MGAT4A: variants seen among roughly 807,000 people sequenced by gnomAD.
MGAT4A encodes the protein alpha-1,3-mannosyl-glycoprotein 4-beta-N-acetylglucosaminyltransferase A.
A neutral mutation model predicts 74.1 loss-of-function variants in MGAT4A; 33 were observed. That is an observed-to-expected ratio of 0.45 (90% CI 0.34 to 0.60). The LOEUF is 0.60. Ranked by LOEUF, MGAT4A falls within the 20% of genes least tolerant of loss-of-function variation. MGAT4A has a pLI of 0.02. For synonymous variants in MGAT4A, 198 were observed against 210.4 expected (o/e 0.94, Z 0.51); for missense variants, 479 against 628.3 (o/e 0.76, Z 2.54).
At chr2:98,711,374 C>A (rs1022234720) in intron 2 of MGAT4A, among the ~76,000 whole-genome samples, 68 of 151,630 alleles carry the variant, frequency 4.5e-4, no homozygotes, top group African/African-American at 1.6e-3. Context: ...TAATCCTGAT[C>A]ACATTTGACA....
intron 2 of MGAT4A, among the ~76,000 whole-genome samples, chr2:98,713,082 T>C (rs181320799): frequency 2.0e-5 from 3 of 150,806 alleles, no homozygotes; most frequent in Admixed American, 6.6e-5. Context: ...GGTGGGAGGA[T>C]TGCTTGAGCC....
intron 2 of MGAT4A, among the ~76,000 whole-genome samples, chr2:98,714,946 T>C (rs1702570977): frequency 6.6e-6 from 1 of 152,042 alleles, no homozygotes; most frequent in Admixed American, 6.6e-5. Flanking sequence ...AATAAGTTAC[T>C]GTAATAAAGG....
At chr2:98,707,371 G>C (rs916413440) in intron 2 of MGAT4A, among the ~76,000 whole-genome samples, 2 of 152,060 alleles carry the variant, frequency 1.3e-5, no homozygotes, top group African/African-American at 4.8e-5. Flanking sequence ...TTAAACTCTA[G>C]CCTAGTTTAT....
chr2:98,659,484 C>T (rs1186362398), intron 5 of MGAT4A, among the ~76,000 whole-genome samples: 1 of 152,072 alleles, frequency 6.6e-6, no homozygotes, highest in African/African-American at 2.4e-5. Flanking sequence ...CCAGCCAGAG[C>T]CCTATTGATA....
intron 2 of MGAT4A, among the ~76,000 whole-genome samples, chr2:98,716,233 G>A (rs1559175993): frequency 6.6e-6 from 1 of 152,136 alleles, no homozygotes; most frequent in Non-Finnish European, 1.5e-5. Flanking sequence ...TGAGGTGAGG[G>A]TGACTGATTG....
At position 98,624,343 on chromosome 2, in the gene MGAT4A, A is replaced by G. The variant is rs1250965205; in HGVS notation, c.*1223T>C. ...CATCATTTTTTAAAAGTACTTTTAT[A>G]AAGATCACTGATTGCTGAGACCGGT... is the stretch of plus-strand genomic sequence containing the variant. On this transcript the variant is annotated 3_prime_UTR_variant, in exon 16 of 16. Coordinates refer to ENST00000393487, the MANE Select transcript of MGAT4A (RefSeq NM_012214.3). 2 of 974,418 alleles carry G rather than the reference A, an allele frequency of 2.1e-6. No homozygotes were observed. Among genetic ancestry groups the G allele is most frequent in the African/African-American group, 1.8e-5 (1 of 56,946 alleles). The allele number at this position is 974,418 out of a possible 1,614,324, so 60.4% of individuals were successfully genotyped here. A position where few individuals can be genotyped will look rare whatever the true frequency, so the allele number is the denominator to read the frequency against.
At chr2:98,660,428 A>ACG (rs1701729639) in intron 5 of MGAT4A, among the ~76,000 whole-genome samples, 1 of 42,578 alleles carries the variant, frequency 2.3e-5, no homozygotes, top group Non-Finnish European at 4.1e-5. Flanking sequence ...GCACACACAC[A>ACG]CACACACACA....
chr2:98,718,958 C>A (rs1434571726), intron 2 of MGAT4A, among the ~76,000 whole-genome samples: 1 of 152,206 alleles, frequency 6.6e-6, no homozygotes, highest in Non-Finnish European at 1.5e-5. Context: ...TATCCTCAGT[C>A]CCACCTCAAG....
At position 98,640,569 on chromosome 2, in the gene MGAT4A, A is replaced by T. The variant is rs375868644; in HGVS notation, c.1021-341T>A. On this transcript the variant is annotated intron_variant, in intron 10 of 15. Transcript: ENST00000393487. ...CAGTGAGCCGAGATCGCACCACTGCACTCCAGCCTGGGTGACAGAGTAAAA... is the reference window on the plus strand; with the variant it reads ...CAGTGAGCCGAGATCGCACCACTGCTCTCCAGCCTGGGTGACAGAGTAAAA... 5.3e-4 allele frequency among the ~76,000 whole-genome samples: 80 copies of T among 152,282 alleles called. No individual in the cohort carries two copies. The South Asian group carries it at 0.016, about 30-fold the overall frequency.
At chr2:98,695,343 CAGCCTTTGATGA>C (rs1160184532) in intron 2 of MGAT4A, 1 of 188,556 alleles carries the variant, frequency 5.3e-6, no homozygotes, top group Non-Finnish European at 1.2e-5. Context: ...AGCCCTAAAA[CAGCCTTTGATGA>C]AGCCACTGCA....
At chr2:98,668,349 A>AGTTTTTTTTCTTCC (rs1701866610) in intron 4 of MGAT4A, among the ~76,000 whole-genome samples, 1 of 152,234 alleles carries the variant, frequency 6.6e-6, no homozygotes, top group African/African-American at 2.4e-5. Flanking sequence ...AAAAGGAGCC[A>AGTTTTTTTTCTTCC]AGGTACAGCT....
chr2:98,701,382 C>T (rs1260115769), intron 2 of MGAT4A, among the ~76,000 whole-genome samples: 1 of 152,160 alleles, frequency 6.6e-6, no homozygotes, highest in Non-Finnish European at 1.5e-5. Flanking sequence ...TTACTCACAT[C>T]CCCAAAACCT....
At chr2:98,697,370 A>G (rs1441683872) in intron 2 of MGAT4A, among the ~76,000 whole-genome samples, 1 of 152,228 alleles carries the variant, frequency 6.6e-6, no homozygotes, top group East Asian at 1.9e-4. Flanking sequence ...ATAATAGACT[A>G]GGTTCCCAGG....
intron 8 of MGAT4A, among the ~76,000 whole-genome samples, chr2:98,648,084 T>C (rs999051704): frequency 6.6e-6 from 1 of 151,226 alleles, no homozygotes; most frequent in African/African-American, 2.4e-5. Context: ...TTCCCACTAA[T>C]ACTCTGTAGA....
Position 98,622,163 on chromosome 2 carries a change from C to T in MGAT4A, c.*3403G>A. ...CACCCAAAATATTCATCATCATTTG[C>T]ATTATGTTCTATTCCCATGTCTGCT... On this transcript the variant is annotated 3_prime_UTR_variant, in exon 16 of 16. Coordinates refer to ENST00000393487, the MANE Select transcript of MGAT4A (RefSeq NM_012214.3). The T allele has an allele frequency of 1.0e-6, 1 of 985,462 alleles. No homozygotes were observed. The highest frequency in any genetic ancestry group is 1.2e-6 in the Non-Finnish European group (1 of 829,948). The allele number at this position is 985,462 out of a possible 1,614,324, so 61.0% of individuals were successfully genotyped here. A position where few individuals can be genotyped will look rare whatever the true frequency, so the allele number is the denominator to read the frequency against.
intron 13 of MGAT4A, among the ~76,000 whole-genome samples, chr2:98,635,492 A>AAT (rs1165020248): frequency 2.0e-5 from 3 of 152,234 alleles, no homozygotes; most frequent in Non-Finnish European, 4.4e-5. Context: ...ATCTGTATAT[A>AAT]ATATATTGGT....
intron 10 of MGAT4A, among the ~76,000 whole-genome samples, chr2:98,642,617 C>T (rs141210364): frequency 0.01 from 1,530 of 152,130 alleles, 31 homozygotes; most frequent in African/African-American, 0.036. Flanking sequence ...TTGCACAGGA[C>T]GAATGGAATG....
Position 98,724,948 on chromosome 2 carries a change from G to A in MGAT4A, c.94+1291C>T, listed in dbSNP as rs555730197. ...TGATTGGCCGGGCATGATGGCCTGCGCCTGTAGTCCCAGCTACTCCTGTGG... is the reference window on the plus strand; with the variant it reads ...TGATTGGCCGGGCATGATGGCCTGCACCTGTAGTCCCAGCTACTCCTGTGG... On this transcript the variant is annotated intron_variant, in intron 2 of 15. Coordinates refer to ENST00000393487, the MANE Select transcript of MGAT4A (RefSeq NM_012214.3). Among the ~76,000 whole-genome samples, 138 of 152,252 alleles carry A rather than the reference G, an allele frequency of 9.1e-4. No homozygotes were observed. The Middle Eastern group carries it at 0.01, about 11-fold the overall frequency.
rs1055910679 is a variant in MGAT4A, at chr2:98,623,545, G to A, written c.*2021C>T. The A allele has an allele frequency of 1.1e-5, 11 of 985,220 alleles. No individual in the cohort carries two copies. In the Admixed American group the frequency reaches 6.8e-4, roughly 61 times the overall value. The allele number at this position is 985,220 out of a possible 1,614,324, so 61.0% of individuals were successfully genotyped here. A position where few individuals can be genotyped will look rare whatever the true frequency, so the allele number is the denominator to read the frequency against. On this transcript the variant is annotated 3_prime_UTR_variant, in exon 16 of 16. Coordinates refer to ENST00000393487, the MANE Select transcript of MGAT4A (RefSeq NM_012214.3). ...TTATTCCTGTTTTTGAATGAAATTT[G>A]CTCATGGGCACTGGGCCAAGGAAAT...
Sources: gnomAD v4.1 joint callset for allele counts (sites outside exome capture counted in the v4.1 genomes callset) on GRCh38, gnomAD v4.1.1 for gene constraint, MANE v1.5 for transcripts, NCBI Gene and HGNC (gene_info 2026-07-23, HGNC 2026-07-21) for gene names.